The following LSP1 variants were observed in gnomAD, a reference collection of about 807,000 sequenced individuals.
LSP1 encodes lymphocyte-specific protein 1.
LSP1 carries 32 observed loss-of-function variants against 49.3 expected under a neutral mutation model. The ratio of observed to expected loss-of-function variants is 0.65; its 90% confidence interval spans 0.49 to 0.87. LSP1 has a LOEUF of 0.87. LSP1 is among the 40% of genes least tolerant of loss of function. LSP1 has a pLI of 0.00. For synonymous variants in LSP1, 179 were observed against 178.8 expected (o/e 1.00, Z -0.01); for missense variants, 428 against 442.6 (o/e 0.97, Z 0.30).
chr11:1,875,944 T>C (rs1189854082), intron 1 of LSP1, among the ~76,000 whole-genome samples: 2 of 152,234 alleles, frequency 1.3e-5, no homozygotes, highest in Admixed American at 6.5e-5. Flanking sequence ...AGCCCCTCCC[T>C]GGACTGCCCC....
In LSP1 at chr11:1,870,273, G is replaced by C. The variant is rs111549727; in HGVS notation, c.54-9814G>C. On this transcript the variant is annotated intron_variant, in intron 1 of 10. Transcript: ENST00000311604. ...CCCATTTTGCAAACAGGAAAGCTGA[G>C]GCTCAGGGAGGCACCAAAGCTTACT... 2.0e-3 allele frequency: 2,651 copies of C among 1,303,162 alleles called. 36 individuals carry two copies. The African/African-American group carries it at 0.03, about 15-fold the overall frequency. 80.7% of individuals were successfully genotyped at this position (1,303,162 alleles called of 1,614,324 possible). A position where few individuals can be genotyped will look rare whatever the true frequency, so the allele number is the denominator to read the frequency against.
At chr11:1,855,063 G>A (rs1043244998) in intron 1 of LSP1, among the ~76,000 whole-genome samples, 4 of 152,160 alleles carry the variant, frequency 2.6e-5, no homozygotes, top group African/African-American at 7.2e-5. Context: ...GGAGAGCGGC[G>A]GTTCTCCTGG....
intron 4 of LSP1, among the ~76,000 whole-genome samples, 176 bp from the exon 5 acceptor site, chr11:1,883,756 G>A (rs1214199298): frequency 6.6e-6 from 1 of 152,124 alleles, no homozygotes; most frequent in Non-Finnish European, 1.5e-5. Context: ...TGCAAGATCC[G>A]GAGACATCTC....
chr11:1,887,738 A>G (rs1848816808), intron 10 of LSP1, among the ~76,000 whole-genome samples, 162 bp downstream of exon 10: 1 of 152,082 alleles, frequency 6.6e-6, no homozygotes, highest in South Asian at 2.1e-4. Context: ...TCCTGTGCAG[A>G]TGCTGCCTCT....
rs539252186 is a variant in LSP1 at position 1,863,859 on chromosome 11, G to A, written c.53+10662G>A. Among the ~76,000 whole-genome samples the A allele has an allele frequency of 5.3e-5, 8 of 152,290 alleles. No homozygotes were observed. The East Asian group carries it at 9.7e-4, about 18-fold the overall frequency. ...GCCAATACCAAACCGAAGATGCTGC[G>A]TTGGTGGCGTCTCTGCCTCTTGGGT... On this transcript the variant is annotated intron_variant, in intron 1 of 10. Coordinates refer to ENST00000311604, the MANE Select transcript of LSP1 (RefSeq NM_002339.3).
intron 10 of LSP1, chr11:1,888,635 C>T (rs1848855041): frequency 6.5e-6 from 1 of 152,872 alleles, no homozygotes; most frequent in South Asian, 2.1e-4. Flanking sequence ...GGATCTGGCT[C>T]TGCCATCAGG....
chr11:1,884,363 TAGG>T lies in LSP1; in HGVS notation c.635+41_635+43del. Reference sequence around the variant, plus strand: ...CTGTCTGCTTTCTGGGCTCAGATCTTAGGTTTAACCAAGTGGGGGTTGAAGGGA... The same window carrying T: ...CTGTCTGCTTTCTGGGCTCAGATCTTTTTAACCAAGTGGGGGTTGAAGGGA... On this transcript the variant is annotated intron_variant, in intron 6 of 10. Coordinates refer to ENST00000311604, the MANE Select transcript of LSP1 (RefSeq NM_002339.3). The surrounding 1 kb of genome is among the most constrained non-coding windows in gnomAD (Gnocchi z 4.1). The T allele has an allele frequency of 6.2e-7, 1 of 1,613,746 alleles. No homozygotes were observed. The highest frequency in any genetic ancestry group is 8.5e-7 in the Non-Finnish European group (1 of 1,179,754).
chr11:1,882,721 G>C (rs2133120035), intron 3 of LSP1, among the ~76,000 whole-genome samples: 1 of 152,342 alleles, frequency 6.6e-6, no homozygotes, highest in Admixed American at 6.5e-5. Context: ...TGGCCCCTCT[G>C]TGTGGCTGCT....
chr11:1,855,485 G>A (rs147301992), intron 1 of LSP1, among the ~76,000 whole-genome samples: 21 of 152,332 alleles, frequency 1.4e-4, no homozygotes, highest in Non-Finnish European at 2.6e-4. Context: ...CCCTCAGACT[G>A]TCGCATGATG....
Position 1,884,683 on chromosome 11 carries a change from A to G in LSP1, c.717+102A>G. 5 of 927,760 alleles carry G rather than the reference A, an allele frequency of 5.4e-6. No homozygotes were observed. The highest frequency in any genetic ancestry group is 6.8e-6 in the Non-Finnish European group (4 of 589,076). The allele number at this position is 927,760 out of a possible 1,614,324, so 57.5% of individuals were successfully genotyped here. ...CATCCAATCAGTGCCGCCTTATTCA[A>G]CCAACACCCTATCCAACCAATGCTT... On this transcript the variant is annotated intron_variant, in intron 7 of 10. Transcript: ENST00000311604. This position sits in a 1 kb window ranked among gnomAD's most constrained non-coding sequence, Gnocchi z 4.1.
Position 1,853,119 on chromosome 11 carries a change from C to A in LSP1, c.-26C>A. The stretch of plus-strand genomic sequence containing the variant: ...CACCCACTCCAGGGATCTGCCAGCA[C>A]CCTGTGGGGCCCAGACTACAGGCTG... On this transcript the variant is annotated 5_prime_UTR_variant, in exon 1 of 11. Transcript: ENST00000311604. 6.2e-7 allele frequency: 1 copy of A among 1,604,386 alleles called. No individual in the cohort carries two copies. Among genetic ancestry groups the A allele is most frequent in the Non-Finnish European group, 8.5e-7 (1 of 1,176,724 alleles).
rs1848380672 is a variant in LSP1 at position 1,877,947 on chromosome 11, T to C, written c.54-2140T>C. 2.0e-5 allele frequency among the ~76,000 whole-genome samples: 3 copies of C among 152,216 alleles called. No homozygotes were observed. The South Asian group carries it at 6.2e-4, about 32-fold the overall frequency. ...ATAGGGGTGGACCTGAGGAAACGTG[T>C]GCACACGAGCTTCTGGGGTCTCTGC... On this transcript the variant is annotated intron_variant, in intron 1 of 10. Transcript: ENST00000311604.
chr11:1,883,428 G>T lies in LSP1; in HGVS notation c.366G>T (p.Leu122=). ...PEGEQEDRPG[L]HAYEKEDSDE... Reference sequence around the variant, plus strand: ...CCCTTTCCACCCACAGGCCCGGCCTGCATGCCTACGAAAAGGAGGACAGTG... The same window carrying T: ...CCCTTTCCACCCACAGGCCCGGCCTTCATGCCTACGAAAAGGAGGACAGTG... Residue 122 remains leucine (L), a synonymous_variant, in exon 4 of 11, where the codon CTG becomes CTT. Coordinates refer to ENST00000311604, the MANE Select transcript of LSP1 (RefSeq NM_002339.3). 1 of 1,614,050 alleles carries T rather than the reference G, an allele frequency of 6.2e-7. No homozygotes were observed. The highest frequency in any genetic ancestry group is 8.5e-7 in the Non-Finnish European group (1 of 1,179,982).
Position 1,880,313 on chromosome 11 carries a change from T to C in LSP1, c.191+89T>C, listed in dbSNP as rs562100125. On this transcript the variant is annotated intron_variant, in intron 2 of 10. Transcript: ENST00000311604. ...AGAGGGGGAGGTCAAGGGCCTGGGC[T>C]TGGGGGTTCCAGTGCAGGATGAGAG... The C allele has an allele frequency of 3.6e-6, 5 of 1,401,004 alleles. No individual in the cohort carries two copies. In the South Asian group the frequency reaches 6.3e-5, roughly 18 times the overall value. 86.8% of individuals were successfully genotyped at this position (1,401,004 alleles called of 1,614,324 possible).
chr11:1,883,984 C>G lies in LSP1; in HGVS notation c.551C>G (p.Thr184Ser). ...CCCAGCCCCTTGGTCTTGGAGGGGA[C>G]CATCGAACAGAGCTCGCCTCCCCTG... Reference protein sequence around the residue: ...RTPSPLVLEGTIEQSSPPLSP... With the variant: ...RTPSPLVLEGSIEQSSPPLSP... Residue 184 changes from threonine (T) to serine (S), a missense_variant, in exon 5 of 11, where the codon ACC (threonine) becomes AGC (serine). Transcript: ENST00000311604. The G allele has an allele frequency of 6.2e-7, 1 of 1,612,474 alleles. No homozygotes were observed.
At chr11:1,855,518 C>A (rs928347235) in intron 1 of LSP1, among the ~76,000 whole-genome samples, 2 of 152,232 alleles carry the variant, frequency 1.3e-5, no homozygotes, top group East Asian at 1.9e-4. Context: ...TCAGACTGCC[C>A]GGGACGGGGC....
intron 1 of LSP1, chr11:1,868,949 C>T (rs565300349): frequency 4.7e-5 from 46 of 986,146 alleles, no homozygotes; most frequent in South Asian, 4.2e-4. Context: ...AGCATGGCCC[C>T]GGGGACTGAG....
intron 1 of LSP1, chr11:1,870,327 C>T (rs1847944990): frequency 1.2e-5 from 16 of 1,291,914 alleles, no homozygotes; most frequent in African/African-American, 6.1e-5. Context: ...AGGGGGTGCC[C>T]GCAGCACCCG....
chr11:1,887,230 C>G lies in LSP1; in HGVS notation c.853-7C>G, dbSNP rs776327462. The G allele has an allele frequency of 6.5e-7, 1 of 1,542,348 alleles. No individual in the cohort carries two copies. The highest frequency in any genetic ancestry group is 8.9e-7 in the Non-Finnish European group (1 of 1,128,460). On this transcript the variant is annotated splice_region_variant and splice_polypyrimidine_tract_variant and intron_variant, in intron 8 of 10. Transcript: ENST00000311604. ...GCCCTTGTGACATACCCTTCTGCTG[C>G]CCCCAGGATATTGTGGCTGGAGACA...
Sources: gnomAD v4.1 joint callset for allele counts (sites outside exome capture counted in the v4.1 genomes callset) on GRCh38, gnomAD v4.1.1 for gene constraint, Gnocchi (gnomAD v3.1) non-coding constraint, MANE v1.5 for transcripts, NCBI Gene and HGNC (gene_info 2026-07-23, HGNC 2026-07-21) for gene names.